The following IGSF5 variants were observed in gnomAD, a reference collection of about 807,000 sequenced individuals.
IGSF5 encodes the protein immunoglobulin superfamily member 5, also known as immunoglobulin superfamily 5 like.
A neutral mutation model predicts 39.4 loss-of-function variants in IGSF5; 41 were observed. The observed-to-expected ratio is 1.04, with a 90% CI of 0.81 to 1.35. The LOEUF is 1.35. IGSF5 is among the 40% of genes most tolerant of loss of function. The pLI, the probability that IGSF5 is intolerant of heterozygous loss-of-function variation, is 0.00. For missense variants in IGSF5, 487 were observed against 494.6 expected, an observed-to-expected ratio of 0.98 and a Z score of 0.15; for synonymous variants, 183 against 175.3, an observed-to-expected ratio of 1.04 and a Z score of -0.34.
At chr21:39,786,551 G>T (rs1479024156) in intron 5 of IGSF5, among the ~76,000 whole-genome samples, 1 of 147,410 alleles carries the variant, frequency 6.8e-6, no homozygotes, top group Non-Finnish European at 1.5e-5. Flanking sequence ...TCGGTGTGGC[G>T]ATTCCTCAGG....
At chr21:39,737,495 C>G in the IGSF5 span, among the ~76,000 whole-genome samples, 1 of 152,190 alleles carries the variant, frequency 6.6e-6, no homozygotes, top group Non-Finnish European at 1.5e-5. Flanking sequence ...TTCTGACCGA[C>G]CGGCTTCAAG....
intron 8 of IGSF5, among the ~76,000 whole-genome samples, chr21:39,794,989 T>C (rs1297441448): frequency 6.6e-6 from 1 of 152,084 alleles, no homozygotes; most frequent in Non-Finnish European, 1.5e-5. Context: ...CTCAGTCATG[T>C]ATTGGGAAAA....
the IGSF5 span, among the ~76,000 whole-genome samples, chr21:39,733,709 A>G: frequency 6.6e-6 from 1 of 152,206 alleles, no homozygotes; most frequent in Non-Finnish European, 1.5e-5. Context: ...ATATTGAAGT[A>G]TTGGCAGAGC....
At chr21:39,799,088 T>A (rs1262900247) in intron 8 of IGSF5, among the ~76,000 whole-genome samples, 1 of 152,138 alleles carries the variant, frequency 6.6e-6, no homozygotes, top group Admixed American at 6.5e-5. Flanking sequence ...TTCCTAGACC[T>A]CTTGGTCCCC....
intron 5 of IGSF5, among the ~76,000 whole-genome samples, chr21:39,779,908 G>A (rs561053114): frequency 3.9e-5 from 6 of 152,320 alleles, no homozygotes; most frequent in Non-Finnish European, 7.4e-5. Context: ...GGGAATGGGG[G>A]TTGGGGAGAT....
At chr21:39,744,711 T>C (rs1302337456), upstream of IGSF5, among the ~76,000 whole-genome samples, 3 of 152,274 alleles carry the variant, frequency 2.0e-5, no homozygotes, top group Non-Finnish European at 4.4e-5. Context: ...CCCCATACTT[T>C]AAGATTTTTG....
chr21:39,793,827 T>A (rs759092280), intron 8 of IGSF5, among the ~76,000 whole-genome samples: 3 of 152,206 alleles, frequency 2.0e-5, no homozygotes. Flanking sequence ...AGATCAAGGC[T>A]GGTTCTGGGT....
At chr21:39,799,486 T>G (rs1235671468) in intron 8 of IGSF5, among the ~76,000 whole-genome samples, 1 of 152,050 alleles carries the variant, frequency 6.6e-6, no homozygotes, top group South Asian at 2.1e-4. Context: ...ATTCTCCAGG[T>G]GATCTGCTTT....
chr21:39,791,783 T>G (rs2086966778), intron 6 of IGSF5: 1 of 464,460 alleles, frequency 2.2e-6, no homozygotes, highest in African/African-American at 1.9e-5. Context: ...GTAGAGTCCA[T>G]GGACCAGGAT....
chr21:39,713,836 G>A, the IGSF5 span, among the ~76,000 whole-genome samples: 1 of 152,180 alleles, frequency 6.6e-6, no homozygotes, highest in Non-Finnish European at 1.5e-5. Flanking sequence ...CAAACATACT[G>A]ATCTATGGGG....
intron 2 of IGSF5, among the ~76,000 whole-genome samples, chr21:39,757,390 G>A (rs1361652353): frequency 2.0e-5 from 3 of 151,890 alleles, no homozygotes. Context: ...TCAGAGGTGA[G>A]GCTACACCAT....
At chr21:39,749,166 G>C (rs1359755963) in intron 2 of IGSF5, among the ~76,000 whole-genome samples, 2 of 151,838 alleles carry the variant, frequency 1.3e-5, no homozygotes, top group African/African-American at 4.8e-5. Flanking sequence ...GGGGAGAAAG[G>C]CTTCCTATAG....
intron 6 of IGSF5, among the ~76,000 whole-genome samples, chr21:39,789,501 G>T (rs2086947980): frequency 6.6e-6 from 1 of 152,110 alleles, no homozygotes; most frequent in African/African-American, 2.4e-5. Flanking sequence ...AATGGGGGTT[G>T]CCCACTGAAT....
the IGSF5 span, among the ~76,000 whole-genome samples, chr21:39,716,400 A>T: frequency 1.3e-5 from 2 of 152,132 alleles, no homozygotes; most frequent in Admixed American, 1.3e-4. Flanking sequence ...TTACGTAGAT[A>T]AACACGTGTC....
In IGSF5 at chr21:39,791,947, A is replaced by G. The variant is rs1601142248; in HGVS notation, c.957-61A>G. The G allele has an allele frequency of 8.8e-6, 10 of 1,141,976 alleles. No individual in the cohort carries two copies. In the East Asian group the frequency reaches 1.5e-4, roughly 17 times the overall value. The allele number at this position is 1,141,976 out of a possible 1,614,324, so 70.7% of individuals were successfully genotyped here. ...TGAACTACGTAGGTATCCATTGCCA[A>G]TTAACATTTGGCAATGTTAATGCCA... On this transcript the variant is annotated intron_variant, in intron 6 of 8. Transcript: ENST00000380588.
At chr21:39,791,826 TGAGTAG>T (rs2086967000) in intron 6 of IGSF5, 176 bp from the exon 7 acceptor site, 2 of 542,172 alleles carry the variant, frequency 3.7e-6, no homozygotes, top group South Asian at 5.9e-5. Context: ...TGGGAATGTG[TGAGTAG>T]GCAGGCGTGC....
chr21:39,749,356 G>A (rs1372152315), intron 2 of IGSF5, among the ~76,000 whole-genome samples: 1 of 152,108 alleles, frequency 6.6e-6, no homozygotes, highest in African/African-American at 2.4e-5. Context: ...GGAATTACAG[G>A]TCCACATCAC....
At chr21:39,728,343 CTG>C in the IGSF5 span, among the ~76,000 whole-genome samples, 2 of 152,090 alleles carry the variant, frequency 1.3e-5, no homozygotes, top group African/African-American at 4.8e-5. Context: ...TGGGAAAAGA[CTG>C]TGTGATGGTC....
In IGSF5 at chr21:39,745,205, G is replaced by A. The variant is rs372223599; in HGVS notation, c.-305G>A. Among the ~76,000 whole-genome samples, 5 of 150,628 alleles carry A rather than the reference G, an allele frequency of 3.3e-5. No individual in the cohort carries two copies. In the East Asian group the frequency reaches 9.8e-4, roughly 30 times the overall value. ...TCTCTCTCTCCGTGTCTCTCTCTTAGCCATTACAAACTTGGGGCCCTGGCA... is the reference window on the plus strand; with the variant it reads ...TCTCTCTCTCCGTGTCTCTCTCTTAACCATTACAAACTTGGGGCCCTGGCA... On this transcript the variant is annotated 5_prime_UTR_variant, in exon 1 of 9. Coordinates refer to ENST00000380588, the MANE Select transcript of IGSF5 (RefSeq NM_001080444.2).
Sources: allele counts gnomAD v4.1 joint callset (sites outside exome capture counted in the v4.1 genomes callset), GRCh38; gene constraint gnomAD v4.1.1; transcripts MANE v1.5; gene names NCBI Gene and HGNC (gene_info 2026-07-23, HGNC 2026-07-21).